The following TMEM217B variants were observed in gnomAD, a reference collection of about 807,000 sequenced individuals.
The protein encoded by TMEM217B is transmembrane protein 217B, also known as putative transmembrane protein 217B.
At chr6:37,241,106 T>C in the TMEM217B span, among the ~76,000 whole-genome samples, 12 of 151,332 alleles carry the variant, frequency 7.9e-5, no homozygotes, top group African/African-American at 2.9e-4. Flanking sequence ...ACTCTTTTTT[T>C]TTTTTTTTTT....
At chr6:37,242,282 G>GC in the TMEM217B span, among the ~76,000 whole-genome samples, 1 of 152,120 alleles carries the variant, frequency 6.6e-6, no homozygotes, top group South Asian at 2.1e-4. Context: ...TCAAACACAG[G>GC]CCCCCACGGT....
chr6:37,257,740 C>T, the TMEM217B span: 1 of 640,374 alleles, frequency 1.6e-6, no homozygotes, highest in Non-Finnish European at 2.6e-6. Flanking sequence ...CGCAGCTCAC[C>T]AATGGCAGCG....
chr6:37,231,162 C>A, the TMEM217B span, among the ~76,000 whole-genome samples: 12 of 151,188 alleles, frequency 7.9e-5, no homozygotes, highest in Non-Finnish European at 1.3e-4. Context: ...CGGGTTCAAG[C>A]GATTCTCCTG....
chr6:37,238,905 C>T, the TMEM217B span, among the ~76,000 whole-genome samples: 2 of 152,124 alleles, frequency 1.3e-5, no homozygotes, highest in Admixed American at 6.5e-5. Context: ...CCAAGGCAGG[C>T]AGATCACCTG....
At chr6:37,229,843 C>T in the TMEM217B span, among the ~76,000 whole-genome samples, 1 of 152,174 alleles carries the variant, frequency 6.6e-6, no homozygotes, top group Non-Finnish European at 1.5e-5. Context: ...ATAATAGTAT[C>T]TCAGTTCTGT....
At chr6:37,220,206 G>T in the TMEM217B span, among the ~76,000 whole-genome samples, 1 of 152,106 alleles carries the variant, frequency 6.6e-6, no homozygotes, top group African/African-American at 2.4e-5. Context: ...TTAAAATGCT[G>T]GATAAAATAG....
At chr6:37,252,584 C>T in the TMEM217B span, among the ~76,000 whole-genome samples, 50 of 59,916 alleles carry the variant, frequency 8.3e-4, no homozygotes, top group African/African-American at 3.6e-3. Flanking sequence ...TGCACGTGTA[C>T]GTGTATGTGT....
At chr6:37,229,558 G>A in the TMEM217B span, among the ~76,000 whole-genome samples, 1 of 151,926 alleles carries the variant, frequency 6.6e-6, no homozygotes, top group Non-Finnish European at 1.5e-5. Flanking sequence ...TAGCCAGGAT[G>A]GTCTCGATCT....
the TMEM217B span, among the ~76,000 whole-genome samples, chr6:37,229,585 A>G: frequency 2.6e-5 from 4 of 151,290 alleles, no homozygotes; most frequent in Non-Finnish European, 4.4e-5. Context: ...CTCGTGATCC[A>G]CCCGCCTCCG....
At chr6:37,244,592 T>C in the TMEM217B span, among the ~76,000 whole-genome samples, 8 of 152,218 alleles carry the variant, frequency 5.3e-5, no homozygotes, top group African/African-American at 1.9e-4. Context: ...TGCCAACTCT[T>C]GGCTGATTTA....
the TMEM217B span, among the ~76,000 whole-genome samples, chr6:37,249,669 C>T: frequency 9.2e-5 from 14 of 152,350 alleles, no homozygotes; most frequent in Middle Eastern, 3.4e-3. Context: ...TTCTACTTTT[C>T]TGTTTCCTGT....
At chr6:37,251,555 A>G in the TMEM217B span, among the ~76,000 whole-genome samples, 1 of 152,256 alleles carries the variant, frequency 6.6e-6, no homozygotes, top group Non-Finnish European at 1.5e-5. Flanking sequence ...TGAAAAAGCC[A>G]GTTGCTGAAG....
At chr6:37,243,758 C>G in the TMEM217B span, among the ~76,000 whole-genome samples, 40 of 152,318 alleles carry the variant, frequency 2.6e-4, 1 homozygote, top group South Asian at 2.1e-3. Flanking sequence ...ACCACCACAC[C>G]TGGCTAGGGT....
the TMEM217B span, among the ~76,000 whole-genome samples, chr6:37,240,612 G>C: frequency 6.6e-6 from 1 of 152,164 alleles, no homozygotes; most frequent in Non-Finnish European, 1.5e-5. Context: ...GGGGACTATG[G>C]GGAGAGGACA....
At chr6:37,228,857 C>T in the TMEM217B span, among the ~76,000 whole-genome samples, 2 of 151,472 alleles carry the variant, frequency 1.3e-5, no homozygotes, top group Admixed American at 1.3e-4. Context: ...ATTAGCTGGG[C>T]GTGGTGGCGG....
At chr6:37,225,840 G>C in the TMEM217B span, among the ~76,000 whole-genome samples, 1 of 152,318 alleles carries the variant, frequency 6.6e-6, no homozygotes, top group Middle Eastern at 3.4e-3. Context: ...CCACTTTACA[G>C]TCTTGCTCAT....
chr6:37,247,926 C>T, the TMEM217B span, among the ~76,000 whole-genome samples: 1 of 152,090 alleles, frequency 6.6e-6, no homozygotes, highest in African/African-American at 2.4e-5. Context: ...GGGGGAAGAG[C>T]CTTCAGGCAC....
the TMEM217B span, among the ~76,000 whole-genome samples, chr6:37,222,778 G>A: frequency 6.6e-6 from 1 of 152,236 alleles, no homozygotes; most frequent in African/African-American, 2.4e-5. Flanking sequence ...GGTTTGGGCG[G>A]CTGCAGTAGC....
At chr6:37,222,391 G>A in the TMEM217B span, among the ~76,000 whole-genome samples, 1 of 152,254 alleles carries the variant, frequency 6.6e-6, no homozygotes, top group Non-Finnish European at 1.5e-5. Context: ...AGGCCAGGCA[G>A]CGGGAGCAGA....
Sources: gnomAD v4.1 joint callset for allele counts (sites outside exome capture counted in the v4.1 genomes callset) on GRCh38, gnomAD v4.1.1 for gene constraint, MANE v1.5 for transcripts, NCBI Gene and HGNC (gene_info 2026-07-23, HGNC 2026-07-21) for gene names.